FBXO16: variants seen among roughly 807,000 people sequenced by gnomAD.
The protein encoded by FBXO16 is F-box protein 16, also known as F-box only protein 16.
Under a neutral mutation model 41.0 loss-of-function variants are expected in FBXO16, and 31 were observed. That is an observed-to-expected ratio of 0.76 (90% CI 0.57 to 1.02). The LOEUF is 1.02. Ranked by LOEUF, FBXO16 falls within the 50% of genes least tolerant of loss-of-function variation. The probability of loss-of-function intolerance (pLI) is 0.00; values close to 1 mark genes in which losing one functional copy is unlikely to be tolerated. For missense variants in FBXO16, 361 were observed against 346.2 expected (o/e 1.04, Z -0.34); for synonymous variants, 133 against 117.8 (o/e 1.13, Z -0.84).
intron 7 of FBXO16, among the ~76,000 whole-genome samples, chr8:28,434,023 C>T (rs540317501): frequency 4.7e-5 from 7 of 148,104 alleles, no homozygotes; most frequent in African/African-American, 1.5e-4. Flanking sequence ...TGCAGTGGCA[C>T]GATCTCAGCT....
intron 5 of FBXO16, among the ~76,000 whole-genome samples, chr8:28,454,894 G>T (rs1803015046): frequency 6.7e-6 from 1 of 150,338 alleles, no homozygotes. Flanking sequence ...TCCTAATCAT[G>T]AATAGATGTT....
At chr8:28,452,977 T>TGTCATCATC in intron 5 of FBXO16, among the ~76,000 whole-genome samples, 1 of 151,870 alleles carries the variant, frequency 6.6e-6, no homozygotes, top group African/African-American at 2.4e-5. Context: ...CCATCACCAA[T>TGTCATCATC]GTCATCATCG....
At chr8:28,460,597 G>C (rs896598373) in intron 4 of FBXO16, among the ~76,000 whole-genome samples, 6 of 151,366 alleles carry the variant, frequency 4.0e-5, no homozygotes, top group Admixed American at 6.6e-5. Context: ...GCTAATTTTT[G>C]TATTTATAAT....
Position 28,457,581 on chromosome 8 carries a change from T to C in FBXO16, c.343-651A>G, listed in dbSNP as rs140605020. Reference sequence around the variant, plus strand: ...CAAAAGGGGAAACCCTTTATAAAACTATCAGATCTCATAAGAATGACTCAC... The same window carrying C: ...CAAAAGGGGAAACCCTTTATAAAACCATCAGATCTCATAAGAATGACTCAC... On this transcript the variant is annotated intron_variant, in intron 4 of 8. Coordinates refer to ENST00000380254, the MANE Select transcript of FBXO16 (RefSeq NM_172366.4). 3.9e-3 allele frequency among the ~76,000 whole-genome samples: 592 copies of C among 152,204 alleles called. 10 individuals are homozygous for C. The highest frequency in any genetic ancestry group is 0.014 in the African/African-American group (561 of 41,544).
Position 28,483,432 on chromosome 8 carries a change from T to C in FBXO16, c.15A>G (p.Ala5=), listed in dbSNP as rs778966125. 1 of 1,614,000 alleles carries C rather than the reference T, an allele frequency of 6.2e-7. No individual in the cohort carries two copies. Among genetic ancestry groups the C allele is most frequent in the South Asian group, 1.1e-5 (1 of 91,066 alleles). MMAF[A]PPKNTDGPKM... Reference sequence around the variant, plus strand: ...TGGGACCATCTGTGTTTTTTGGAGGTGCAAATGCCATCATGAAACAACTGG... The same window carrying C: ...TGGGACCATCTGTGTTTTTTGGAGGCGCAAATGCCATCATGAAACAACTGG... The change falls in exon 2 of 9, where the codon GCA becomes GCG. Residue 5 remains alanine (A), a synonymous_variant. Coordinates refer to ENST00000380254, the MANE Select transcript of FBXO16 (RefSeq NM_172366.4).
At chr8:28,478,857 G>A (rs1487956326) in intron 2 of FBXO16, among the ~76,000 whole-genome samples, 2 of 150,388 alleles carry the variant, frequency 1.3e-5, no homozygotes, top group African/African-American at 4.9e-5. Context: ...AATCCCCTAT[G>A]TTGGAGGTGG....
At chr8:28,467,932 G>A (rs1219479477) in intron 3 of FBXO16, among the ~76,000 whole-genome samples, 1 of 152,118 alleles carries the variant, frequency 6.6e-6, no homozygotes, top group Non-Finnish European at 1.5e-5. Flanking sequence ...GTTTGTTTAG[G>A]CTAATAGAAA....
At chr8:28,446,853 C>T (rs1348957096) in intron 7 of FBXO16, 2 of 166,846 alleles carry the variant, frequency 1.2e-5, no homozygotes, top group African/African-American at 4.8e-5. Flanking sequence ...GCCAGGAAGA[C>T]AAGAACAAGA....
intron 7 of FBXO16, among the ~76,000 whole-genome samples, chr8:28,430,858 G>C (rs574146934): frequency 2.6e-5 from 4 of 152,258 alleles, no homozygotes; most frequent in Admixed American, 6.5e-5. Flanking sequence ...TGTAATCCCA[G>C]CTACTCAGGA....
chr8:28,441,469 C>T (rs1022993295), intron 7 of FBXO16, among the ~76,000 whole-genome samples: 3 of 152,186 alleles, frequency 2.0e-5, no homozygotes, highest in African/African-American at 4.8e-5. Context: ...GGCGCAGGGG[C>T]TCACGCCTGT....
At chr8:28,484,447 G>T (rs935689221) in intron 1 of FBXO16, among the ~76,000 whole-genome samples, 3 of 152,194 alleles carry the variant, frequency 2.0e-5, no homozygotes, top group Admixed American at 1.3e-4. Flanking sequence ...ATTTTCAGGA[G>T]GAATTAATTC....
At chr8:28,470,294 A>ATGTCTC (rs1803313831) in intron 3 of FBXO16, among the ~76,000 whole-genome samples, 1 of 152,168 alleles carries the variant, frequency 6.6e-6, no homozygotes, top group South Asian at 2.1e-4. Flanking sequence ...TTGTCTTCTC[A>ATGTCTC]TTCAGTCATA....
intron 6 of FBXO16, among the ~76,000 whole-genome samples, chr8:28,448,729 C>T (rs551974337): frequency 6.6e-6 from 1 of 152,298 alleles, no homozygotes; most frequent in African/African-American, 2.4e-5. Flanking sequence ...TTTTCTAAAA[C>T]TCCTGTATGT....
chr8:28,473,758 T>G lies in FBXO16; in HGVS notation c.135+14A>C. On this transcript the variant is annotated intron_variant, in intron 3 of 8. Coordinates refer to ENST00000380254, the MANE Select transcript of FBXO16 (RefSeq NM_172366.4). ...ACATAACATAATGCAAAAATAGTAT[T>G]TTTAAATGTTTACCCATTTGCCAAG... 6.3e-7 allele frequency: 1 copy of G among 1,594,638 alleles called. No homozygotes were observed. The highest frequency in any genetic ancestry group is 2.2e-5 in the East Asian group (1 of 44,704).
chr8:28,472,279 G>C (rs1395761293), intron 3 of FBXO16, among the ~76,000 whole-genome samples: 1 of 151,978 alleles, frequency 6.6e-6, no homozygotes. Flanking sequence ...TATTATTTTT[G>C]TAGATATGGG....
chr8:28,435,707 T>C (rs559805394), intron 7 of FBXO16, among the ~76,000 whole-genome samples: 2 of 151,992 alleles, frequency 1.3e-5, no homozygotes, highest in African/African-American at 4.8e-5. Flanking sequence ...AGAAAACCGA[T>C]TAGGAAAGGG....
intron 2 of FBXO16, among the ~76,000 whole-genome samples, chr8:28,477,095 C>T (rs1359646746): frequency 1.4e-5 from 2 of 138,854 alleles, no homozygotes; most frequent in Non-Finnish European, 3.1e-5. Flanking sequence ...TATGCCTATC[C>T]TGATGACGCA....
intron 4 of FBXO16, among the ~76,000 whole-genome samples, chr8:28,462,643 G>A (rs943584171): frequency 6.6e-6 from 1 of 152,116 alleles, no homozygotes; most frequent in Non-Finnish European, 1.5e-5. Context: ...ATGCACACTG[G>A]CAGGTAATAT....
intron 6 of FBXO16, chr8:28,448,909 T>TA (rs1377989518): frequency 1.3e-5 from 2 of 152,190 alleles, no homozygotes; most frequent in Non-Finnish European, 2.9e-5. Context: ...ACAGAGACCA[T>TA]ATGCCCTGCA....
Sources: allele counts gnomAD v4.1 joint callset (sites outside exome capture counted in the v4.1 genomes callset), GRCh38; gene constraint gnomAD v4.1.1; transcripts MANE v1.5; gene names NCBI Gene and HGNC (gene_info 2026-07-23, HGNC 2026-07-21).